DDX52: variants seen among roughly 807,000 people sequenced by gnomAD.
DDX52 encodes the protein probable ATP-dependent RNA helicase DDX52.
In DDX52, 59 loss-of-function variants were observed where a neutral mutation model predicts 76.1. That is an observed-to-expected ratio of 0.78 (90% confidence interval 0.63 to 0.96). The LOEUF is 0.96. Among genes scored for constraint, DDX52 ranks in the 40% least tolerant of loss-of-function variants. DDX52 has a pLI of 0.00. For synonymous variants in DDX52, 231 were observed against 244.1 expected (o/e 0.95, Z 0.50); for missense variants, 707 against 703.9 (o/e 1.00, Z -0.05).
At chr17:37,640,578 T>C (rs7207654) in intron 2 of DDX52, among the ~76,000 whole-genome samples, 27,179 of 151,494 alleles carry the variant, frequency 0.18, 2,605 homozygotes, top group Admixed American at 0.29. Flanking sequence ...GGAAGGAACT[T>C]TACTTTTCAT....
In DDX52 at chr17:37,621,225, C is replaced by T; in HGVS notation, c.1403G>A (p.Cys468Tyr). ...FRAGKIWVLI[C>Y]TALLARGIDF... The stretch of plus-strand genomic sequence containing the variant: ...AATCCCTCTTGCTAGCAAGGCTGTA[C>T]AAATCAGAACCCAGATTTTTCCTGC... Residue 468 changes from cysteine (C) to tyrosine (Y), a missense_variant, in exon 11 of 15, where the codon TGT (cysteine) becomes TAT (tyrosine). Physicochemically the swap from Cys to Tyr is radical, Grantham distance 194 (BLOSUM62 -2). Transcript: ENST00000617633. 6.2e-7 allele frequency: 1 copy of T among 1,613,922 alleles called. No individual in the cohort carries two copies. The highest frequency in any genetic ancestry group is 8.5e-7 in the Non-Finnish European group (1 of 1,179,958).
chr17:37,637,598 G>A (rs750436401), intron 2 of DDX52, among the ~76,000 whole-genome samples: 9 of 151,952 alleles, frequency 5.9e-5, no homozygotes, highest in Non-Finnish European at 1.2e-4. Context: ...TTTTGAGACC[G>A]AGTTTCACTC....
chr17:37,610,998 T>A lies in DDX52; in HGVS notation c.*3298A>T, dbSNP rs1357659868. 3 of 152,224 alleles carry A rather than the reference T, an allele frequency of 2.0e-5. No individual in the cohort carries two copies. The highest frequency in any genetic ancestry group is 4.4e-5 in the Non-Finnish European group (3 of 68,036). 9.4% of individuals were successfully genotyped at this position (152,224 alleles called of 1,614,324 possible). A position where few individuals can be genotyped will look rare whatever the true frequency, so the allele number is the denominator to read the frequency against. ...GATACTTTAAACAGACACAATAAAG[T>A]CAAGGATCATAGATGTGACCTCAGT... On this transcript the variant is annotated 3_prime_UTR_variant, in exon 15 of 15. Transcript: ENST00000617633.
intron 13 of DDX52, among the ~76,000 whole-genome samples, 185 bp downstream of exon 13, chr17:37,619,583 A>T (rs2029970285): frequency 6.6e-6 from 1 of 152,004 alleles, no homozygotes; most frequent in Non-Finnish European, 1.5e-5. Flanking sequence ...ATGGTAGTAC[A>T]TGCCTGTAGT....
chr17:37,629,228 T>TAC (rs10661586), intron 5 of DDX52, among the ~76,000 whole-genome samples: 1,842 of 133,946 alleles, frequency 0.014, 30 homozygotes, highest in Non-Finnish European at 0.018. Context: ...CAAGAAAAAA[T>TAC]ACACACACAC....
At chr17:37,637,460 T>C (rs2030986460) in intron 2 of DDX52, among the ~76,000 whole-genome samples, 1 of 151,980 alleles carries the variant, frequency 6.6e-6, no homozygotes, top group African/African-American at 2.4e-5. Context: ...AGTCTTGCTA[T>C]GTTGCCCAAG....
chr17:37,643,349 G>A lies in DDX52; in HGVS notation c.72C>T (p.Asp24=), dbSNP rs756251438. Residue 24 remains aspartate, a synonymous_variant, in exon 1 of 15, where the codon GAC becomes GAT. Transcript: ENST00000617633. ...AKFDTRRFSA[D]AARFQIGKRK... ...GGCACAGTACCTGGAATCGAGCTGC[G>A]TCTGCCGAGAAGCGTCTCGTGTCGA... The A allele has an allele frequency of 6.2e-7, 1 of 1,613,860 alleles. No homozygotes were observed. Among genetic ancestry groups the A allele is most frequent in the Non-Finnish European group, 8.5e-7 (1 of 1,179,838 alleles).
At chr17:37,635,407 T>G in intron 2 of DDX52, 1 of 314,968 alleles carries the variant, frequency 3.2e-6, no homozygotes, top group Non-Finnish European at 6.2e-6. Flanking sequence ...CCAATCTAAT[T>G]TCTGCCACTA....
rs747678068 is a variant in DDX52 at position 37,618,320 on chromosome 17, A to AT, written c.1713dup (p.Cys572MetfsTer7). ...TTATCCTTAGCTTTTTCTAAGAAAC[A>AT]TTTTGGAGTTGTACTAATGCTCTCC... On this transcript the variant is annotated frameshift_variant, in exon 14 of 15. Transcript: ENST00000617633. LOFTEE classifies it high-confidence loss of function. The AT allele has an allele frequency of 1.2e-5, 19 of 1,598,766 alleles. No individual in the cohort carries two copies. In the African/African-American group the frequency reaches 2.3e-4, roughly 19 times the overall value.
chr17:37,629,942 C>T, intron 5 of DDX52, 88 bp downstream of exon 5: 1 of 1,522,742 alleles, frequency 6.6e-7, no homozygotes, highest in Non-Finnish European at 8.8e-7. Context: ...GTGGGCCTTG[C>T]TTTTTAAGAT....
intron 5 of DDX52, 87 bp from the exon 6 acceptor site, chr17:37,628,759 T>C: frequency 1.1e-6 from 1 of 939,106 alleles, no homozygotes; most frequent in Non-Finnish European, 1.6e-6. Flanking sequence ...AATAAATCTA[T>C]TACCAACCCA....
In DDX52 at chr17:37,629,887, C is replaced by T. The variant is rs907382172; in HGVS notation, c.747+143G>A. The T allele has an allele frequency of 2.3e-5, 24 of 1,036,176 alleles. 1 individual carries two copies. Among genetic ancestry groups the T allele is most frequent in the African/African-American group, 1.3e-4 (8 of 61,412 alleles). The allele number at this position is 1,036,176 out of a possible 1,614,324, so 64.2% of individuals were successfully genotyped here. ...AGACTTGCCCACATGGAGTAAGATC[C>T]GGAGCACTGTGCTGTGTAGAGGATA... On this transcript the variant is annotated intron_variant, in intron 5 of 14. Coordinates refer to ENST00000617633, the MANE Select transcript of DDX52 (RefSeq NM_007010.5).
At chr17:37,637,869 C>T (rs2031005321) in intron 2 of DDX52, among the ~76,000 whole-genome samples, 1 of 152,174 alleles carries the variant, frequency 6.6e-6, no homozygotes, top group African/African-American at 2.4e-5. Flanking sequence ...CCACCACGCC[C>T]AGCCTTCTTC....
At position 37,612,967 on chromosome 17, in the gene DDX52, C is replaced by T. The variant is rs893128204; in HGVS notation, c.*1329G>A. Reference sequence around the variant, plus strand: ...CATATTCTTGTAAGTATTTTTACACCCTGTACCAGTAGATCTTTCTTTAAA... The same window carrying T: ...CATATTCTTGTAAGTATTTTTACACTCTGTACCAGTAGATCTTTCTTTAAA... On this transcript the variant is annotated 3_prime_UTR_variant, in exon 15 of 15. Transcript: ENST00000617633. 1 of 152,076 alleles carries T rather than the reference C, an allele frequency of 6.6e-6. No individual in the cohort carries two copies. The allele number at this position is 152,076 out of a possible 1,614,324, so 9.4% of individuals were successfully genotyped here. A position where few individuals can be genotyped will look rare whatever the true frequency, so the allele number is the denominator to read the frequency against.
At chr17:37,634,882 T>C (rs1455672441) in intron 2 of DDX52, among the ~76,000 whole-genome samples, 1 of 151,098 alleles carries the variant, frequency 6.6e-6, no homozygotes, top group African/African-American at 2.4e-5. Flanking sequence ...GGCATGATCT[T>C]GGCTCACTGC....
At chr17:37,621,560 G>T in intron 9 of DDX52, 40 bp from the exon 10 acceptor site, 1 of 1,574,304 alleles carries the variant, frequency 6.4e-7, no homozygotes. Context: ...ACTCAATCAA[G>T]AATACAATTG....
chr17:37,635,418 T>C (rs901359721), intron 2 of DDX52: 3 of 336,766 alleles, frequency 8.9e-6, no homozygotes, highest in Non-Finnish European at 1.2e-5. Context: ...TCTGCCACTA[T>C]AGACTAGTTT....
Position 37,628,549 on chromosome 17 carries a change from T to C in DDX52, c.859+12A>G, listed in dbSNP as rs1432679990. ...ACATGCTCTATCTACATCCCATGTA[T>C]GAATTCCTTACCAAACTTTTTAGAT... is the stretch of plus-strand genomic sequence containing the variant. On this transcript the variant is annotated intron_variant, in intron 6 of 14. Coordinates refer to ENST00000617633, the MANE Select transcript of DDX52 (RefSeq NM_007010.5). 1 of 1,597,008 alleles carries C rather than the reference T, an allele frequency of 6.3e-7. No individual in the cohort carries two copies. The highest frequency in any genetic ancestry group is 1.1e-5 in the South Asian group (1 of 89,112).
At chr17:37,620,222 CACA>C (rs748218954) in intron 12 of DDX52, 9 of 188,614 alleles carry the variant, frequency 4.8e-5, no homozygotes, top group Non-Finnish European at 6.6e-5. Flanking sequence ...CTTCACTCTT[CACA>C]ACAAGCCTGT....
Sources: allele counts gnomAD v4.1 joint callset (sites outside exome capture counted in the v4.1 genomes callset), GRCh38; gene constraint gnomAD v4.1.1; transcripts MANE v1.5; gene names NCBI Gene and HGNC (gene_info 2026-07-23, HGNC 2026-07-21).